The following MAP3K15 variants were observed in gnomAD, a reference collection of about 807,000 sequenced individuals.
The protein encoded by MAP3K15 is MAPK/ERK kinase kinase 15.
In MAP3K15, 124 loss-of-function variants were observed where a neutral mutation model predicts 99.5. That is an observed-to-expected ratio of 1.25 (90% CI 1.08 to 1.45). The LOEUF (loss-of-function observed/expected upper bound fraction) is 1.45. MAP3K15 is among the 40% of genes most tolerant of loss of function. The probability of loss-of-function intolerance (pLI) is 0.00; values close to 1 mark genes in which losing one functional copy is unlikely to be tolerated. For synonymous variants in MAP3K15, 494 were observed against 439.6 expected (o/e 1.12, Z -1.55); for missense variants, 1,242 against 1,079.7 (o/e 1.15, Z -2.11).
chrX:19,458,758 G>C (rs779979869), intron 5 of MAP3K15, among the ~76,000 whole-genome samples: 1 of 112,129 alleles, frequency 8.9e-6, no homozygotes, highest in South Asian at 3.7e-4. Context: ...CCAGGGGCAG[G>C]AGTTCCTTAC....
At chrX:19,366,918 C>A (rs1423904178) in intron 25 of MAP3K15, among the ~76,000 whole-genome samples, 1 of 111,561 alleles carries the variant, frequency 9.0e-6, no homozygotes, top group East Asian at 2.8e-4. Context: ...ACCTTCAAAC[C>A]CATATATAAT....
At chrX:19,489,528 G>A (rs2064352494) in intron 1 of MAP3K15, among the ~76,000 whole-genome samples, 1 of 111,173 alleles carries the variant, frequency 9.0e-6, no homozygotes, top group African/African-American at 3.3e-5. Context: ...ACCTGAAGAT[G>A]AGGCCTTTGG....
At chrX:19,511,727 G>A (rs1401889220) in intron 1 of MAP3K15, among the ~76,000 whole-genome samples, 3 of 111,898 alleles carry the variant, frequency 2.7e-5, no homozygotes, top group South Asian at 7.4e-4. Flanking sequence ...GTGGGAGTGT[G>A]AATTAGTTCA....
chrX:19,513,494 G>A (rs2064535163), intron 1 of MAP3K15, among the ~76,000 whole-genome samples: 1 of 111,512 alleles, frequency 9.0e-6, no homozygotes, highest in Non-Finnish European at 1.9e-5. Flanking sequence ...ACTCAGTGTG[G>A]TCAGAAATGT....
At chrX:19,416,933 T>C (rs1220741386) in intron 9 of MAP3K15, among the ~76,000 whole-genome samples, 1 of 111,993 alleles carries the variant, frequency 8.9e-6, no homozygotes, top group Non-Finnish European at 1.9e-5. Context: ...TTCTTTTTAA[T>C]TAAACATGTT....
At chrX:19,453,425 G>A (rs912902237) in intron 6 of MAP3K15, among the ~76,000 whole-genome samples, 13 of 108,886 alleles carry the variant, frequency 1.2e-4, no homozygotes, top group Non-Finnish European at 1.7e-4. Flanking sequence ...GCTTGAACCC[G>A]GGAGGCGAAG....
At chrX:19,430,210 G>A (rs1324673955) in intron 7 of MAP3K15, among the ~76,000 whole-genome samples, 2 of 112,293 alleles carry the variant, frequency 1.8e-5, no homozygotes, top group African/African-American at 6.5e-5. Context: ...GTAACCACGT[G>A]TGAGTTCCCG....
chrX:19,369,414 G>A (rs1364132188), intron 24 of MAP3K15, among the ~76,000 whole-genome samples, 195 bp from the exon 25 acceptor site: 1 of 111,667 alleles, frequency 9.0e-6, no homozygotes, highest in Non-Finnish European at 1.9e-5. Context: ...AGTTGATCAC[G>A]CCAGTTTCCA....
chrX:19,465,481 C>T (rs1156566911), intron 3 of MAP3K15, among the ~76,000 whole-genome samples: 1 of 109,199 alleles, frequency 9.2e-6, no homozygotes, highest in East Asian at 2.9e-4. Flanking sequence ...CGCGGTGGCT[C>T]ACGCCTGTAA....
chrX:19,428,774 C>A (rs2063854446), intron 7 of MAP3K15, among the ~76,000 whole-genome samples: 2 of 111,223 alleles, frequency 1.8e-5, no homozygotes, highest in African/African-American at 6.5e-5. Context: ...TGAGACCAGT[C>A]TGGCCAACAT....
chrX:19,375,841 G>A (rs2063413313), intron 19 of MAP3K15, among the ~76,000 whole-genome samples: 1 of 112,319 alleles, frequency 8.9e-6, no homozygotes, highest in Non-Finnish European at 1.9e-5. Flanking sequence ...GCTCCTCCTG[G>A]CCAGGCTGCC....
intron 6 of MAP3K15, among the ~76,000 whole-genome samples, chrX:19,439,271 C>G (rs145920832): frequency 0.024 from 2,703 of 111,775 alleles, 70 homozygotes; most frequent in African/African-American, 0.083. Context: ...CAATGCCATG[C>G]TTGTACAGTC....
rs763809539 is a variant in MAP3K15, at chrX:19,515,474, G to A, written c.-213C>T. Among the ~76,000 whole-genome samples, 11 of 110,582 alleles carry A rather than the reference G, an allele frequency of 9.9e-5. No individual in the cohort carries two copies. The South Asian group carries it at 4.2e-3, about 42-fold the overall frequency. The stretch of plus-strand genomic sequence containing the variant: ...TGCAGCCTGACGCTCAGGCCCCAAG[G>A]CCCCCAGCGCCCTTTGAAGGCCGGA... On this transcript the variant is annotated 5_prime_UTR_variant, in exon 1 of 29. Coordinates refer to ENST00000338883, the MANE Select transcript of MAP3K15 (RefSeq NM_001001671.4).
chrX:19,456,384 C>T (rs908046147), intron 6 of MAP3K15, among the ~76,000 whole-genome samples: 1 of 112,104 alleles, frequency 8.9e-6, no homozygotes, highest in Non-Finnish European at 1.9e-5. Flanking sequence ...AGAGTACACA[C>T]TGTGTGATTC....
chrX:19,503,018 G>A (rs1198112132), intron 1 of MAP3K15, among the ~76,000 whole-genome samples: 1 of 111,484 alleles, frequency 9.0e-6, no homozygotes, highest in Non-Finnish European at 1.9e-5. Context: ...TAACCTGGAT[G>A]AGACAAGATG....
intron 3 of MAP3K15, among the ~76,000 whole-genome samples, chrX:19,481,258 T>C (rs1210443843): frequency 3.6e-5 from 4 of 109,840 alleles, no homozygotes; most frequent in Admixed American, 1.9e-4. Context: ...GGAAAGATGA[T>C]TCAAAGATGA....
chrX:19,502,334 G>A (rs751455861), intron 1 of MAP3K15, among the ~76,000 whole-genome samples: 6 of 111,002 alleles, frequency 5.4e-5, no homozygotes, highest in Admixed American at 9.6e-5. Context: ...TTATGGGGGC[G>A]GTTCCCCCAT....
intron 9 of MAP3K15, among the ~76,000 whole-genome samples, chrX:19,416,532 T>G: frequency 9.0e-6 from 1 of 111,631 alleles, no homozygotes; most frequent in Middle Eastern, 4.6e-3. Flanking sequence ...CTAGTGATAC[T>G]GGAAATGCTC....
chrX:19,469,743 T>C (rs2064194023), intron 3 of MAP3K15, among the ~76,000 whole-genome samples: 1 of 111,127 alleles, frequency 9.0e-6, no homozygotes, highest in African/African-American at 3.3e-5. Context: ...GGGCGAAGGA[T>C]ATGAACAGAC....
Sources: allele counts gnomAD v4.1 joint callset (sites outside exome capture counted in the v4.1 genomes callset), GRCh38; gene constraint gnomAD v4.1.1; transcripts MANE v1.5; gene names NCBI Gene and HGNC (gene_info 2026-07-23, HGNC 2026-07-21).